The following NCALD variants were observed in gnomAD, a reference collection of about 807,000 sequenced individuals.
NCALD encodes the protein neurocalcin delta, also known as neurocalcin-delta.
In NCALD, 10 loss-of-function variants were observed where a neutral mutation model predicts 18.6. The observed-to-expected ratio is 0.54, with a 90% CI of 0.33 to 0.91. The LOEUF is 0.91. NCALD is among the 40% of genes least tolerant of loss of function. The probability of loss-of-function intolerance (pLI) is 0.03; values close to 1 mark genes in which losing one functional copy is unlikely to be tolerated. For synonymous variants in NCALD, 88 were observed against 87.4 expected (o/e 1.01, Z -0.04); for missense variants, 184 against 247.6 (o/e 0.74, Z 1.72).
chr8:101,975,032 C>T (rs76930011), intron 2 of NCALD, among the ~76,000 whole-genome samples: 2,682 of 152,230 alleles, frequency 0.018, 27 homozygotes, highest in South Asian at 0.03. Flanking sequence ...TTTTTCAATG[C>T]TTCTTAAGTC....
At chr8:101,828,292 A>G (rs1018907552) in intron 4 of NCALD, among the ~76,000 whole-genome samples, 2 of 152,160 alleles carry the variant, frequency 1.3e-5, no homozygotes, top group African/African-American at 4.8e-5. Context: ...TGCAAGACCG[A>G]GGCTCTGCCC....
At chr8:101,838,433 G>A (rs375835872) in intron 4 of NCALD, among the ~76,000 whole-genome samples, 1 of 152,272 alleles carries the variant, frequency 6.6e-6, no homozygotes, top group South Asian at 2.1e-4. Context: ...TGTTGGCCAG[G>A]ATGGTCTCTA....
intron 1 of NCALD, among the ~76,000 whole-genome samples, chr8:101,766,851 T>C (rs915192818): frequency 1.1e-4 from 17 of 152,228 alleles, no homozygotes; most frequent in Admixed American, 3.3e-4. Flanking sequence ...AGTGCTGGGA[T>C]TACAAGCGTA....
chr8:101,843,513 A>G (rs1292516326), intron 4 of NCALD, among the ~76,000 whole-genome samples: 1 of 150,318 alleles, frequency 6.7e-6, no homozygotes, highest in Non-Finnish European at 1.5e-5. Flanking sequence ...TGAATATTTT[A>G]TTTACTGCAG....
chr8:101,981,007 A>G (rs549078374), intron 2 of NCALD, among the ~76,000 whole-genome samples: 133 of 152,364 alleles, frequency 8.7e-4, no homozygotes, highest in Non-Finnish European at 1.7e-3. Context: ...ACTTATTACC[A>G]GTACCAATTA....
At chr8:101,832,424 G>T (rs749043393) in intron 4 of NCALD, among the ~76,000 whole-genome samples, 28 of 152,098 alleles carry the variant, frequency 1.8e-4, no homozygotes, top group Non-Finnish European at 1.2e-4. Flanking sequence ...CCCCATCTTG[G>T]CTTCTAAAAT....
intron 3 of NCALD, among the ~76,000 whole-genome samples, chr8:101,907,235 C>A (rs1170263652): frequency 6.6e-6 from 1 of 152,178 alleles, no homozygotes; most frequent in African/African-American, 2.4e-5. Flanking sequence ...TCATCATCAT[C>A]GTCAACATCT....
At chr8:101,980,914 C>T (rs541704387) in intron 2 of NCALD, among the ~76,000 whole-genome samples, 2 of 152,306 alleles carry the variant, frequency 1.3e-5, no homozygotes, top group African/African-American at 2.4e-5. Context: ...AAGTCCTACT[C>T]CTCCTTAAAA....
At chr8:101,737,422 A>G (rs1809972093) in intron 1 of NCALD, among the ~76,000 whole-genome samples, 1 of 152,146 alleles carries the variant, frequency 6.6e-6, no homozygotes, top group Non-Finnish European at 1.5e-5. Flanking sequence ...CCACCTGTTC[A>G]AGTCATGTCC....
intron 2 of NCALD, among the ~76,000 whole-genome samples, chr8:101,940,864 T>C (rs1184276685): frequency 6.6e-6 from 1 of 152,192 alleles, no homozygotes; most frequent in East Asian, 1.9e-4. Context: ...GCTAACACAT[T>C]TAGATGGCTC....
chr8:101,710,835 C>A (rs1038268111), intron 2 of NCALD, among the ~76,000 whole-genome samples: 1 of 152,230 alleles, frequency 6.6e-6, no homozygotes, highest in African/African-American at 2.4e-5. Context: ...GCTGTGGGTG[C>A]AGCTTCAGCA....
intron 1 of NCALD, among the ~76,000 whole-genome samples, chr8:102,072,304 G>A (rs924856708): frequency 6.6e-6 from 1 of 152,186 alleles, no homozygotes; most frequent in Non-Finnish European, 1.5e-5. Flanking sequence ...CAGCTGGGGT[G>A]GATGGGAGGG....
At chr8:101,977,865 C>G (rs1464827058) in intron 2 of NCALD, among the ~76,000 whole-genome samples, 1 of 152,212 alleles carries the variant, frequency 6.6e-6, no homozygotes, top group African/African-American at 2.4e-5. Flanking sequence ...TACTTACTTT[C>G]ATGAAGGCCC....
intron 2 of NCALD, among the ~76,000 whole-genome samples, chr8:101,990,951 T>A (rs1821024203): frequency 6.6e-6 from 1 of 152,206 alleles, no homozygotes; most frequent in African/African-American, 2.4e-5. Flanking sequence ...CCACTGTGGC[T>A]AGGCCCTTGT....
intron 1 of NCALD, among the ~76,000 whole-genome samples, chr8:101,776,513 G>A (rs889665993): frequency 5.9e-5 from 9 of 151,916 alleles, no homozygotes; most frequent in African/African-American, 2.2e-4. Flanking sequence ...CCAACCTCTG[G>A]GGAGGACTTT....
At chr8:101,932,495 G>T (rs943893253) in intron 2 of NCALD, among the ~76,000 whole-genome samples, 1 of 152,178 alleles carries the variant, frequency 6.6e-6, no homozygotes, top group Non-Finnish European at 1.5e-5. Context: ...GCTTCAGGGT[G>T]TGTGTCTTTT....
chr8:101,691,804 G>A (rs1342778398), intron 3 of NCALD: 7 of 985,272 alleles, frequency 7.1e-6, no homozygotes, highest in African/African-American at 5.2e-5. Context: ...CTGCGAAGCC[G>A]CCTTCTGCTG....
At chr8:101,827,339 C>T (rs752484627) in intron 4 of NCALD, among the ~76,000 whole-genome samples, 6 of 152,156 alleles carry the variant, frequency 3.9e-5, no homozygotes, top group Admixed American at 6.5e-5. Context: ...TTAATTTAAT[C>T]GCCTCTGCAA....
chr8:101,916,010 G>GA (rs1415228304), intron 2 of NCALD, among the ~76,000 whole-genome samples: 1 of 152,080 alleles, frequency 6.6e-6, no homozygotes, highest in Non-Finnish European at 1.5e-5. Context: ...ATATGTTTTG[G>GA]AAAAGAGAGT....
Sources: allele counts gnomAD v4.1 joint callset (sites outside exome capture counted in the v4.1 genomes callset), GRCh38; gene constraint gnomAD v4.1.1; transcripts MANE v1.5; gene names NCBI Gene and HGNC (gene_info 2026-07-23, HGNC 2026-07-21).